Variants in UNC5C observed in about 807,000 individuals in gnomAD.
UNC5C encodes netrin receptor UNC5C.
Under a neutral mutation model 99.8 loss-of-function variants are expected in UNC5C, and 47 were observed. The observed-to-expected ratio is 0.47, with a 90% CI of 0.37 to 0.60. The LOEUF is 0.60. Among genes scored for constraint, UNC5C ranks in the 20% least tolerant of loss-of-function variants. The pLI is 0.00. For missense variants in UNC5C, 1,062 were observed against 1,165.9 expected, an observed-to-expected ratio of 0.91 and a Z score of 1.30; for synonymous variants, 487 against 452.2, an observed-to-expected ratio of 1.08 and a Z score of -0.98.
At chr4:95,363,026 G>A (rs768099275) in intron 1 of UNC5C, among the ~76,000 whole-genome samples, 1 of 152,090 alleles carries the variant, frequency 6.6e-6, no homozygotes, top group Non-Finnish European at 1.5e-5. Context: ...ATCACCCCCT[G>A]GAGTTACACA....
In UNC5C at chr4:95,359,879, C is replaced by CTT. The variant is rs542236856; in HGVS notation, c.125-24250_125-24249dup. Among the ~76,000 whole-genome samples, 11 of 152,232 alleles carry CTT rather than the reference C, an allele frequency of 7.2e-5. No homozygotes were observed. The South Asian group carries it at 2.3e-3, about 32-fold the overall frequency. ...AATATGCCAGGTATCCTACTAAGGA[C>CTT]TTGGATATTTTCCCTCATTTAATTC... On this transcript the variant is annotated intron_variant, in intron 1 of 15. Transcript: ENST00000453304.
At position 95,393,484 on chromosome 4, in the gene UNC5C, T is replaced by C. The variant is rs368262138; in HGVS notation, c.125-57853A>G. 2.4e-4 allele frequency among the ~76,000 whole-genome samples: 36 copies of C among 152,286 alleles called. No homozygotes were observed. The South Asian group carries it at 5.4e-3, about 23-fold the overall frequency. On this transcript the variant is annotated intron_variant, in intron 1 of 15. Transcript: ENST00000453304. Reference sequence around the variant, plus strand: ...TAAGCCCACTGGACATTTTCTATATTTTAAGCTGCTCCTGAAGTATTTTCT... The same window carrying C: ...TAAGCCCACTGGACATTTTCTATATCTTAAGCTGCTCCTGAAGTATTTTCT...
intron 3 of UNC5C, among the ~76,000 whole-genome samples, chr4:95,297,696 T>C (rs562498859): frequency 6.6e-6 from 1 of 152,352 alleles, no homozygotes; most frequent in South Asian, 2.1e-4. Flanking sequence ...AAAGAAATCC[T>C]TGATAAGGCT....
At chr4:95,482,152 A>C (rs986809319) in intron 1 of UNC5C, among the ~76,000 whole-genome samples, 3 of 152,094 alleles carry the variant, frequency 2.0e-5, no homozygotes, top group African/African-American at 7.2e-5. Flanking sequence ...GAACTCAAAC[A>C]AATTTACAAG....
intron 1 of UNC5C, among the ~76,000 whole-genome samples, chr4:95,449,348 A>G (rs906147996): frequency 6.6e-6 from 1 of 152,188 alleles, no homozygotes; most frequent in Non-Finnish European, 1.5e-5. Context: ...CAGCCCCTTT[A>G]AAAATAATCA....
At chr4:95,329,867 A>T (rs1233729095) in intron 2 of UNC5C, among the ~76,000 whole-genome samples, 2 of 152,294 alleles carry the variant, frequency 1.3e-5, no homozygotes, top group East Asian at 1.9e-4. Context: ...TATGCCCACC[A>T]CTGAAACCAA....
At chr4:95,316,825 T>C (rs1434693601) in intron 2 of UNC5C, among the ~76,000 whole-genome samples, 2 of 152,090 alleles carry the variant, frequency 1.3e-5, no homozygotes, top group African/African-American at 4.8e-5. Context: ...CAGCAAGTTT[T>C]TTAAAAAGTC....
At chr4:95,209,247 G>C (rs1229449597) in intron 10 of UNC5C, among the ~76,000 whole-genome samples, 3 of 152,176 alleles carry the variant, frequency 2.0e-5, no homozygotes, top group Non-Finnish European at 4.4e-5. Flanking sequence ...GTAATAAGCT[G>C]TCTGTTGTCT....
intron 7 of UNC5C, among the ~76,000 whole-genome samples, chr4:95,224,417 T>G (rs186312475): frequency 6.6e-6 from 1 of 152,342 alleles, no homozygotes; most frequent in East Asian, 1.9e-4. Context: ...TCTGAGTTTT[T>G]TGTCCCTGCT....
intron 7 of UNC5C, among the ~76,000 whole-genome samples, chr4:95,237,430 A>T (rs1420570539): frequency 6.6e-6 from 1 of 152,214 alleles, no homozygotes; most frequent in African/African-American, 2.4e-5. Context: ...TTATATCTTT[A>T]AAGTATTCAT....
intron 4 of UNC5C, 91 bp downstream of exon 4, chr4:95,278,167 AC>A: frequency 9.7e-7 from 1 of 1,033,380 alleles, no homozygotes; most frequent in Non-Finnish European, 1.5e-6. Flanking sequence ...ATCATGCCAT[AC>A]CCTAATTCAC....
intron 1 of UNC5C, among the ~76,000 whole-genome samples, chr4:95,460,191 T>C (rs1747557942): frequency 8.8e-6 from 1 of 113,878 alleles, no homozygotes; most frequent in Non-Finnish European, 1.8e-5. Context: ...GAACTGTCCA[T>C]GTGGTGTTTT....
intron 1 of UNC5C, among the ~76,000 whole-genome samples, chr4:95,349,935 T>C (rs1452879307): frequency 6.6e-6 from 1 of 152,174 alleles, no homozygotes. Flanking sequence ...GCTGAGACTG[T>C]CTTAGCTACT....
chr4:95,204,047 A>G (rs1364005095), intron 11 of UNC5C, among the ~76,000 whole-genome samples: 2 of 152,070 alleles, frequency 1.3e-5, no homozygotes, highest in Admixed American at 6.5e-5. Context: ...TGAGCTCACA[A>G]GAAGGAGCTC....
chr4:95,416,168 A>G (rs1746159896), intron 1 of UNC5C, among the ~76,000 whole-genome samples: 2 of 152,194 alleles, frequency 1.3e-5, no homozygotes, highest in South Asian at 2.1e-4. Flanking sequence ...TTAAGTGCTT[A>G]TTTTACAGAA....
chr4:95,484,332 T>C (rs902806659), intron 1 of UNC5C, among the ~76,000 whole-genome samples: 1 of 151,864 alleles, frequency 6.6e-6, no homozygotes, highest in Non-Finnish European at 1.5e-5. Context: ...TGAGACTTTC[T>C]TGTAGCAAGG....
At chr4:95,205,800 C>G (rs1265007424) in intron 11 of UNC5C, among the ~76,000 whole-genome samples, 1 of 152,008 alleles carries the variant, frequency 6.6e-6, no homozygotes, top group Non-Finnish European at 1.5e-5. Flanking sequence ...TTAAGAAGTT[C>G]TGATGACAGC....
intron 1 of UNC5C, among the ~76,000 whole-genome samples, chr4:95,480,392 G>C (rs17024033): frequency 0.062 from 9,402 of 151,836 alleles, 676 homozygotes; most frequent in African/African-American, 0.17. Context: ...GGAAAGAGTT[G>C]TCTAAAAATA....
At chr4:95,238,732 T>G (rs974721753) in intron 7 of UNC5C, among the ~76,000 whole-genome samples, 2 of 152,210 alleles carry the variant, frequency 1.3e-5, no homozygotes, top group Non-Finnish European at 2.9e-5. Flanking sequence ...TATTCACTTA[T>G]GTATTAACAA....
Sources: allele counts gnomAD v4.1 joint callset (sites outside exome capture counted in the v4.1 genomes callset), GRCh38; gene constraint gnomAD v4.1.1; transcripts MANE v1.5; gene names NCBI Gene and HGNC (gene_info 2026-07-23, HGNC 2026-07-21).